The following PTPRM variants were observed in gnomAD, a reference collection of about 807,000 sequenced individuals.
PTPRM encodes protein tyrosine phosphatase receptor type M.
Under a neutral mutation model 186.7 loss-of-function variants are expected in PTPRM, and 47 were observed. The observed-to-expected ratio is 0.25, with a 90% confidence interval of 0.20 to 0.32. PTPRM has a LOEUF of 0.32. Ranked by LOEUF, PTPRM falls within the 10% of genes least tolerant of loss-of-function variation. PTPRM has a pLI of 1.00. For synonymous variants in PTPRM, 668 were observed against 674.9 expected (o/e 0.99, Z 0.16); for missense variants, 1,494 against 1,865.0 (o/e 0.80, Z 3.66).
chr18:7,638,429 A>T (rs977657738), intron 1 of PTPRM, among the ~76,000 whole-genome samples: 2 of 152,334 alleles, frequency 1.3e-5, no homozygotes, highest in Admixed American at 1.3e-4. Context: ...CTGTCATGAA[A>T]AGAATTATCC....
At chr18:7,984,590 T>TGCCCC (rs1568128971) in intron 7 of PTPRM, among the ~76,000 whole-genome samples, 28 of 123,906 alleles carry the variant, frequency 2.3e-4, no homozygotes, top group Non-Finnish European at 3.6e-4. Flanking sequence ...TATATATATA[T>TGCCCC]ATATATATAT....
intron 7 of PTPRM, among the ~76,000 whole-genome samples, chr18:8,064,307 G>T (rs2088876786): frequency 6.6e-6 from 1 of 151,862 alleles, no homozygotes; most frequent in African/African-American, 2.4e-5. Context: ...CTTAAACCAA[G>T]AAATAAAGTA....
intron 7 of PTPRM, among the ~76,000 whole-genome samples, chr18:8,054,245 A>C (rs2087726862): frequency 6.8e-6 from 1 of 147,366 alleles, no homozygotes; most frequent in South Asian, 2.1e-4. Flanking sequence ...TATTTTATTT[A>C]CATGTATTGT....
chr18:8,258,893 G>C (rs184476428), intron 19 of PTPRM, among the ~76,000 whole-genome samples: 1 of 151,724 alleles, frequency 6.6e-6, no homozygotes, highest in Non-Finnish European at 1.5e-5. Context: ...GTGTGTACAT[G>C]TATGTATCTA....
At chr18:8,105,800 C>G (rs989121885) in intron 11 of PTPRM, among the ~76,000 whole-genome samples, 1 of 152,122 alleles carries the variant, frequency 6.6e-6, no homozygotes, top group African/African-American at 2.4e-5. Flanking sequence ...AGTCACCCCC[C>G]AGAAAAACCA....
intron 14 of PTPRM, among the ~76,000 whole-genome samples, chr18:8,231,860 C>T (rs1215640814): frequency 6.6e-6 from 1 of 152,166 alleles, no homozygotes; most frequent in Non-Finnish European, 1.5e-5. Context: ...TAACACCCCC[C>T]TGCCAACACA....
chr18:8,032,699 A>G (rs1478668361), intron 7 of PTPRM, among the ~76,000 whole-genome samples: 2 of 152,148 alleles, frequency 1.3e-5, no homozygotes, highest in Non-Finnish European at 2.9e-5. Context: ...ATTTGCCCCC[A>G]TCATATATTT....
intron 2 of PTPRM, among the ~76,000 whole-genome samples, chr18:7,863,932 G>A (rs192684700): frequency 6.6e-6 from 1 of 152,208 alleles, no homozygotes; most frequent in Admixed American, 6.5e-5. Context: ...GTTTTGATTT[G>A]CATTTCTCTA....
chr18:7,617,254 G>A (rs1192694385), intron 1 of PTPRM, among the ~76,000 whole-genome samples: 6 of 152,112 alleles, frequency 3.9e-5, no homozygotes. Flanking sequence ...TTGGAAAAGG[G>A]ACATTTGGGA....
intron 20 of PTPRM, among the ~76,000 whole-genome samples, chr18:8,305,087 T>G (rs892502136): frequency 5.9e-5 from 9 of 152,220 alleles, no homozygotes; most frequent in African/African-American, 9.7e-5. Context: ...TAGCCTGCTC[T>G]TCTTCACTCT....
At chr18:7,674,626 CTCTT>C (rs2144514303) in intron 1 of PTPRM, among the ~76,000 whole-genome samples, 1 of 152,258 alleles carries the variant, frequency 6.6e-6, no homozygotes, top group South Asian at 2.1e-4. Context: ...ATGGAGGCAG[CTCTT>C]TCTTCTTCCT....
intron 7 of PTPRM, among the ~76,000 whole-genome samples, chr18:8,048,180 C>CT (rs973734782): frequency 6.6e-6 from 1 of 151,950 alleles, no homozygotes; most frequent in African/African-American, 2.4e-5. Flanking sequence ...CACACAAAAA[C>CT]TATGTTTAGG....
Position 7,889,333 on chromosome 18 carries a change from C to CTTT in PTPRM, c.468+975_468+977dup, listed in dbSNP as rs770886704. Among the ~76,000 whole-genome samples the CTTT allele has an allele frequency of 1.1e-3, 127 of 119,814 alleles. 3 individuals carry two copies. Among genetic ancestry groups the CTTT allele is most frequent in the Middle Eastern group, 4.9e-3 (1 of 206 alleles). The allele number at this position is 119,814 out of a possible 152,430, so 78.6% of individuals were successfully genotyped here. A position where few individuals can be genotyped will look rare whatever the true frequency, so the allele number is the denominator to read the frequency against. ...TTTGCAAATATATTTTCTTTTCTTTCTTTTTTTTTTTTTTTTTTTTTGAGA... is the reference window on the plus strand; with the variant it reads ...TTTGCAAATATATTTTCTTTTCTTTCTTTTTTTTTTTTTTTTTTTTTTTTGAGA... On this transcript the variant is annotated intron_variant, in intron 3 of 32. Transcript: ENST00000580170.
chr18:8,316,938 C>G (rs1356513194), intron 21 of PTPRM, among the ~76,000 whole-genome samples: 10 of 152,068 alleles, frequency 6.6e-5, no homozygotes, highest in Non-Finnish European at 1.5e-4. Flanking sequence ...GGAATTTGTG[C>G]CTGGCGATTT....
chr18:7,953,972 A>G (rs1599705242), intron 6 of PTPRM, among the ~76,000 whole-genome samples: 1 of 152,206 alleles, frequency 6.6e-6, no homozygotes, highest in African/African-American at 2.4e-5. Flanking sequence ...AACCACCCAT[A>G]GATACAGTCT....
At chr18:7,642,785 C>G (rs1214772500) in intron 1 of PTPRM, among the ~76,000 whole-genome samples, 1 of 149,316 alleles carries the variant, frequency 6.7e-6, no homozygotes, top group Non-Finnish European at 1.5e-5. Flanking sequence ...TTACCTGTGG[C>G]CACATCAACC....
chr18:8,008,579 A>G (rs534184595), intron 7 of PTPRM, among the ~76,000 whole-genome samples: 15 of 152,294 alleles, frequency 9.8e-5, no homozygotes, highest in Middle Eastern at 3.4e-3. Flanking sequence ...TGGGTGATGT[A>G]GGGTTCAATA....
intron 2 of PTPRM, among the ~76,000 whole-genome samples, chr18:7,795,698 G>C (rs1598751329): frequency 6.6e-6 from 1 of 151,820 alleles, no homozygotes; most frequent in East Asian, 1.9e-4. Context: ...ATCCCTCTTT[G>C]AGGTATTTTT....
At chr18:7,742,137 G>A (rs1023469689) in intron 1 of PTPRM, among the ~76,000 whole-genome samples, 3 of 152,140 alleles carry the variant, frequency 2.0e-5, no homozygotes, top group Non-Finnish European at 4.4e-5. Context: ...GGAAAAGGTG[G>A]TATATGGTAG....
Sources: gnomAD v4.1 joint callset for allele counts (sites outside exome capture counted in the v4.1 genomes callset) on GRCh38, gnomAD v4.1.1 for gene constraint, MANE v1.5 for transcripts, NCBI Gene and HGNC (gene_info 2026-07-23, HGNC 2026-07-21) for gene names.